ZC3H3: variants seen among roughly 807,000 people sequenced by gnomAD.
The protein encoded by ZC3H3 is zinc finger CCCH domain-containing protein 3.
ZC3H3 carries 36 observed loss-of-function variants against 77.3 expected under a neutral mutation model. The observed-to-expected ratio is 0.47, with a 90% CI of 0.36 to 0.61. The LOEUF (loss-of-function observed/expected upper bound fraction) is 0.61, where lower values mean the gene tolerates loss of function less well. ZC3H3 is among the 20% of genes least tolerant of loss of function. The probability of loss-of-function intolerance (pLI) is 0.00; values close to 1 mark genes in which losing one functional copy is unlikely to be tolerated. For synonymous variants in ZC3H3, 626 were observed against 555.2 expected (o/e 1.13, Z -1.79); for missense variants, 1,331 against 1,312.2 (o/e 1.01, Z -0.22).
rs918287883 is a variant in ZC3H3, at chr8:143,530,110, G to A, written c.1561+6147C>T. On this transcript the variant is annotated intron_variant, in intron 3 of 11. Coordinates refer to ENST00000262577, the MANE Select transcript of ZC3H3 (RefSeq NM_015117.3). This position sits in a 1 kb window ranked among gnomAD's most constrained non-coding sequence, Gnocchi z 4.3. ...AGCTCTGGGCCAGAGGCAGATGCCC[G>A]GCCTGGCTCCTGTCAAAGCCTGGGC... is the stretch of plus-strand genomic sequence containing the variant. Among the ~76,000 whole-genome samples, 30 of 152,180 alleles carry A rather than the reference G, an allele frequency of 2.0e-4. No individual in the cohort carries two copies. The highest frequency in any genetic ancestry group is 6.8e-4 in the African/African-American group (28 of 41,438).
chr8:143,490,351 C>A (rs1821167854), intron 4 of ZC3H3, among the ~76,000 whole-genome samples: 1 of 152,248 alleles, frequency 6.6e-6, no homozygotes, highest in South Asian at 2.1e-4. Flanking sequence ...GCCCAGCTCT[C>A]CTGAACACTC....
intron 4 of ZC3H3, among the ~76,000 whole-genome samples, chr8:143,495,753 CTT>C (rs200739641): frequency 0.02 from 2,620 of 134,028 alleles, 75 homozygotes; most frequent in African/African-American, 0.07. Flanking sequence ...GCTAATTTTT[CTT>C]TTCTTTCTTT....
intron 3 of ZC3H3, among the ~76,000 whole-genome samples, chr8:143,521,723 G>A (rs1341504376): frequency 1.3e-5 from 2 of 152,188 alleles, no homozygotes; most frequent in Non-Finnish European, 2.9e-5. Flanking sequence ...TCCCCCACCA[G>A]TGCACCTGCC....
intron 4 of ZC3H3, among the ~76,000 whole-genome samples, chr8:143,485,309 C>A (rs1279159528): frequency 6.6e-6 from 1 of 152,194 alleles, no homozygotes; most frequent in African/African-American, 2.4e-5. Context: ...AGGCCGAGAA[C>A]CCGGTCCAGT....
At chr8:143,467,126 G>A (rs1485695296) in intron 8 of ZC3H3, among the ~76,000 whole-genome samples, 3 of 152,160 alleles carry the variant, frequency 2.0e-5, no homozygotes, top group Non-Finnish European at 4.4e-5. Flanking sequence ...GCCGTTTGGG[G>A]CTGGCGGTGG....
intron 3 of ZC3H3, among the ~76,000 whole-genome samples, chr8:143,522,004 C>A (rs1203462273): frequency 6.6e-6 from 1 of 152,166 alleles, no homozygotes; most frequent in Non-Finnish European, 1.5e-5. Context: ...AAGGGTCAGA[C>A]TAGAAGGGGT....
chr8:143,502,794 G>A (rs1361286096), intron 4 of ZC3H3, among the ~76,000 whole-genome samples: 3 of 152,196 alleles, frequency 2.0e-5, no homozygotes, highest in African/African-American at 7.2e-5. Flanking sequence ...AATCCCCTCA[G>A]CAGAGCCTCA....
Position 143,507,791 on chromosome 8 carries a change from G to C in ZC3H3, c.1670C>G (p.Pro557Arg). The C allele has an allele frequency of 6.2e-7, 1 of 1,603,484 alleles. No homozygotes were observed. The highest frequency in any genetic ancestry group is 8.5e-7 in the Non-Finnish European group (1 of 1,176,864). The stretch of plus-strand genomic sequence containing the variant: ...GGCCCGCCAGGAGGGCAGAGACAGG[G>C]GGAAGGGCGGGGCGCTGAGAGGCGA... ...PASPLSAPPF[P>R]LSLPSWRARR... The change falls in exon 4 of 12, where the codon CCC (proline) becomes CGC (arginine). Residue 557 changes from proline (P) to arginine (R), a missense_variant. Transcript: ENST00000262577.
In ZC3H3 at chr8:143,475,459, G is replaced by T; in HGVS notation, c.1842C>A (p.Asn614Lys). 1 of 1,613,204 alleles carries T rather than the reference G, an allele frequency of 6.2e-7. No individual in the cohort carries two copies. The highest frequency in any genetic ancestry group is 8.5e-7 in the Non-Finnish European group (1 of 1,179,958). ...IGGVLYKVSANKLSKTSGQPS... is the reference protein window; with the variant it reads ...IGGVLYKVSAKKLSKTSGQPS... ...GCTGGCCGGAGGTCTTGGAGAGCTT[G>T]TTGGCAGATACTTTGTAGAGGACCC... Residue 614 changes from asparagine to lysine, a missense_variant, in exon 5 of 12, where the codon AAC becomes AAA. Physicochemically the swap from Asn to Lys is moderately conservative, Grantham distance 94. Around this residue, in one of 3 missense-constraint regions of ZC3H3, gnomAD observed 978 missense variants for 915.5 expected, o/e 1.07. Coordinates refer to ENST00000262577, the MANE Select transcript of ZC3H3 (RefSeq NM_015117.3).
chr8:143,477,700 C>T (rs1820775717), intron 4 of ZC3H3, among the ~76,000 whole-genome samples: 1 of 152,208 alleles, frequency 6.6e-6, no homozygotes, highest in Admixed American at 6.5e-5. Flanking sequence ...GCTACGGCCA[C>T]TACCTGGGGG....
rs764392873 is a variant in ZC3H3, at chr8:143,443,069, C to T, written c.2308-1949G>A. On this transcript the variant is annotated intron_variant, in intron 9 of 11. Transcript: ENST00000262577. Reference sequence around the variant, plus strand: ...GGTGGATCACTTGAGGTCAGGAATTCGAGAGCAGGCCTGACCAACATGGTG... The same window carrying T: ...GGTGGATCACTTGAGGTCAGGAATTTGAGAGCAGGCCTGACCAACATGGTG... Among the ~76,000 whole-genome samples, 110 of 152,096 alleles carry T rather than the reference C, an allele frequency of 7.2e-4. 7 individuals carry two copies. Among genetic ancestry groups the T allele is most frequent in the Admixed American group, 5.2e-4 (8 of 15,262 alleles).
At chr8:143,440,557 C>T (rs1294614663) in intron 10 of ZC3H3, among the ~76,000 whole-genome samples, 194 bp from the exon 11 acceptor site, 1 of 152,162 alleles carries the variant, frequency 6.6e-6, no homozygotes, top group Non-Finnish European at 1.5e-5. Context: ...AGCTCCACAC[C>T]GAGCCTGCCC....
chr8:143,459,477 A>G (rs1283400045), intron 9 of ZC3H3, among the ~76,000 whole-genome samples: 1 of 152,024 alleles, frequency 6.6e-6, no homozygotes, highest in Non-Finnish European at 1.5e-5. Context: ...CCAACCTGGG[A>G]GGCGGAGTTT....
chr8:143,463,344 G>A (rs1407023224), intron 9 of ZC3H3, among the ~76,000 whole-genome samples: 5 of 152,168 alleles, frequency 3.3e-5, no homozygotes, highest in Non-Finnish European at 7.3e-5. Flanking sequence ...CAGAGCCGCC[G>A]GGTGCTGGGA....
Position 143,440,289 on chromosome 8 carries a change from G to A in ZC3H3, c.2567C>T (p.Ala856Val). 6.4e-7 allele frequency: 1 copy of A among 1,566,472 alleles called. No homozygotes were observed. Among genetic ancestry groups the A allele is most frequent in the Non-Finnish European group, 8.7e-7 (1 of 1,153,706 alleles). The change falls in exon 11 of 12, where the codon GCA (alanine) becomes GTA (valine). Residue 856 changes from alanine (A) to valine (V), a missense_variant. Physicochemically the swap from Ala to Val is moderately conservative, Grantham distance 64 (BLOSUM62 0). Coordinates refer to ENST00000262577, the MANE Select transcript of ZC3H3 (RefSeq NM_015117.3). ...TGACCCCCCTGGGCAGTGGGGAGGT[G>A]CAGCCACGGCAGCCGCAGTGAGGGC... ...SAALTAAAVA[A>V]PPHCPGGSAS...
At chr8:143,525,997 G>A (rs548420383) in intron 3 of ZC3H3, among the ~76,000 whole-genome samples, 1 of 152,332 alleles carries the variant, frequency 6.6e-6, no homozygotes, top group Non-Finnish European at 1.5e-5. Flanking sequence ...AGAGCCCAGG[G>A]TGCTGGCACT....
At chr8:143,441,972 A>G (rs1819754218) in intron 9 of ZC3H3, among the ~76,000 whole-genome samples, 1 of 152,198 alleles carries the variant, frequency 6.6e-6, no homozygotes, top group Non-Finnish European at 1.5e-5. Flanking sequence ...ACAAGCTCCA[A>G]GAGTGGAGCT....
intron 3 of ZC3H3, among the ~76,000 whole-genome samples, chr8:143,510,455 C>T (rs1223731871): frequency 1.3e-5 from 2 of 152,256 alleles, no homozygotes; most frequent in African/African-American, 4.8e-5. Flanking sequence ...ATGAGCAGGG[C>T]ACAGCCGGAC....
At chr8:143,508,565 C>A (rs1699623435) in intron 3 of ZC3H3, among the ~76,000 whole-genome samples, 1 of 152,216 alleles carries the variant, frequency 6.6e-6, no homozygotes, top group Admixed American at 6.5e-5. Flanking sequence ...TGGCAATTTA[C>A]CCACAGCTTC....
Sources: allele counts gnomAD v4.1 joint callset (sites outside exome capture counted in the v4.1 genomes callset), GRCh38; gene constraint gnomAD v4.1.1; regional missense constraint gnomAD v4.1.1; non-coding constraint Gnocchi (gnomAD v3.1); transcripts MANE v1.5; gene names NCBI Gene and HGNC (gene_info 2026-07-23, HGNC 2026-07-21).